Variants in TTLL7 observed in about 807,000 individuals in gnomAD.
TTLL7 encodes tubulin tyrosine ligase like 7, also known as tubulin polyglutamylase TTLL7.
In TTLL7, 53 loss-of-function variants were observed where a neutral mutation model predicts 120.2. That is an observed-to-expected ratio of 0.44 (90% CI 0.35 to 0.55). The LOEUF is 0.55. TTLL7 is among the 20% of genes least tolerant of loss of function. TTLL7 has a pLI of 0.00. For synonymous variants in TTLL7, 353 were observed against 351.7 expected (o/e 1.00, Z -0.04); for missense variants, 803 against 1,054.7 (o/e 0.76, Z 3.31).
At position 83,942,871 on chromosome 1, in the gene TTLL7, C is replaced by CA. The variant is rs577669745; in HGVS notation, c.507-193dup. Among the ~76,000 whole-genome samples, 319 of 152,274 alleles carry CA rather than the reference C, an allele frequency of 2.1e-3. 1 individual carries two copies. Among genetic ancestry groups the CA allele is most frequent in the Non-Finnish European group, 3.5e-3 (240 of 68,008 alleles). ...ACCCCAGAAACTAAGCAAAGGCTTGCAGCAAATGGAATACTTAACTAAGAA... is the reference window on the plus strand; with the variant it reads ...ACCCCAGAAACTAAGCAAAGGCTTGCAAGCAAATGGAATACTTAACTAAGAA... On this transcript the variant is annotated intron_variant, in intron 6 of 20. Transcript: ENST00000260505.
chr1:83,950,660 A>C (rs1648953901), intron 3 of TTLL7, among the ~76,000 whole-genome samples: 2 of 152,158 alleles, frequency 1.3e-5, no homozygotes, highest in Admixed American at 1.3e-4. Flanking sequence ...CTGAATTTCA[A>C]GTGTGGAATA....
intron 18 of TTLL7, among the ~76,000 whole-genome samples, chr1:83,902,907 C>T (rs1371498772): frequency 6.6e-6 from 1 of 151,964 alleles, no homozygotes; most frequent in African/African-American, 2.4e-5. Flanking sequence ...CTTTCTCCAG[C>T]ATCCATCCAT....
chr1:83,974,288 C>A (rs997940168), intron 1 of TTLL7, among the ~76,000 whole-genome samples: 1 of 151,868 alleles, frequency 6.6e-6, no homozygotes, highest in African/African-American at 2.4e-5. Flanking sequence ...ATTATAGAAG[C>A]TGTCATTGAA....
intron 6 of TTLL7, among the ~76,000 whole-genome samples, chr1:83,944,559 T>G (rs1320850863): frequency 6.6e-6 from 1 of 151,782 alleles, no homozygotes; most frequent in Non-Finnish European, 1.5e-5. Context: ...ACTACAAAAG[T>G]TAGCCAGGCA....
intron 18 of TTLL7, among the ~76,000 whole-genome samples, chr1:83,892,394 A>ATATATATG (rs1253222021): frequency 1.2e-4 from 5 of 40,002 alleles, no homozygotes; most frequent in African/African-American, 4.2e-4. Context: ...ATATATACGA[A>ATATATATG]TATATATGAA....
At chr1:83,925,355 T>C (rs980363919) in intron 10 of TTLL7, among the ~76,000 whole-genome samples, 2 of 152,294 alleles carry the variant, frequency 1.3e-5, no homozygotes, top group East Asian at 1.9e-4. Flanking sequence ...AGACAAGTCA[T>C]CCAACCCAGA....
At chr1:83,936,902 G>T (rs1456060496) in intron 8 of TTLL7, among the ~76,000 whole-genome samples, 2 of 152,132 alleles carry the variant, frequency 1.3e-5, no homozygotes, top group Non-Finnish European at 2.9e-5. Flanking sequence ...AATTATCACA[G>T]TTCCCAGAAC....
chr1:83,998,486 T>C (rs954000163), intron 1 of TTLL7, among the ~76,000 whole-genome samples: 6 of 152,230 alleles, frequency 3.9e-5, no homozygotes, highest in Non-Finnish European at 1.5e-5. Flanking sequence ...ACAAGGGCCC[T>C]AGACTTCACT....
At chr1:83,899,736 GAAGCAGCAGCA>G (rs1457946441) in intron 18 of TTLL7, among the ~76,000 whole-genome samples, 77 of 151,638 alleles carry the variant, frequency 5.1e-4, no homozygotes, top group African/African-American at 1.8e-3. Flanking sequence ...AAGAAGCAGC[GAAGCAGCAGCA>G]AAGGAGCTCA....
chr1:83,924,531 G>A (rs905609407), intron 10 of TTLL7, among the ~76,000 whole-genome samples: 3 of 152,148 alleles, frequency 2.0e-5, no homozygotes, highest in African/African-American at 7.2e-5. Flanking sequence ...AATTCATAGA[G>A]ACACAAAATA....
At chr1:83,921,554 A>G (rs898409282) in intron 10 of TTLL7, among the ~76,000 whole-genome samples, 160 bp from the exon 11 acceptor site, 2 of 152,172 alleles carry the variant, frequency 1.3e-5, no homozygotes, top group African/African-American at 2.4e-5. Flanking sequence ...CCATACCTCA[A>G]ATATGGCACT....
chr1:83,894,902 G>A (rs1029028591), intron 18 of TTLL7, among the ~76,000 whole-genome samples: 10 of 151,960 alleles, frequency 6.6e-5, no homozygotes, highest in East Asian at 1.9e-4. Flanking sequence ...TTTGGTCCTC[G>A]GAGACCCACC....
At chr1:83,939,195 A>C (rs1261395824) in intron 7 of TTLL7, among the ~76,000 whole-genome samples, 1 of 152,182 alleles carries the variant, frequency 6.6e-6, no homozygotes, top group Admixed American at 6.5e-5. Context: ...TGATACTTAA[A>C]AGAAAAAGCA....
At chr1:83,990,955 T>C (rs986891743) in intron 1 of TTLL7, among the ~76,000 whole-genome samples, 1 of 152,166 alleles carries the variant, frequency 6.6e-6, no homozygotes, top group African/African-American at 2.4e-5. Flanking sequence ...CAACTGTCCA[T>C]GGATGATGAA....
chr1:83,988,943 T>G (rs754730178), intron 1 of TTLL7, among the ~76,000 whole-genome samples: 17 of 152,108 alleles, frequency 1.1e-4, no homozygotes, highest in Non-Finnish European at 1.8e-4. Flanking sequence ...CTCCTGACTT[T>G]GTGATCCGCC....
intron 1 of TTLL7, among the ~76,000 whole-genome samples, chr1:83,975,975 A>C (rs1651431980): frequency 6.6e-6 from 1 of 151,894 alleles, no homozygotes; most frequent in Non-Finnish European, 1.5e-5. Context: ...CAGAGTGCAC[A>C]GCATGTAGTA....
At chr1:83,921,806 TTAATATG>T (rs1658696153) in intron 10 of TTLL7, among the ~76,000 whole-genome samples, 1 of 152,166 alleles carries the variant, frequency 6.6e-6, no homozygotes, top group African/African-American at 2.4e-5. Context: ...TAATAGGTAC[TTAATATG>T]TAATGGTTCT....
At chr1:83,975,966 A>G (rs1198909888) in intron 1 of TTLL7, among the ~76,000 whole-genome samples, 1 of 151,952 alleles carries the variant, frequency 6.6e-6, no homozygotes, top group Admixed American at 6.6e-5. Flanking sequence ...TTACAGTGCC[A>G]GAGTGCACAG....
At chr1:83,894,573 GCATGACAGTAC>G (rs1455865149) in intron 18 of TTLL7, among the ~76,000 whole-genome samples, 1 of 152,110 alleles carries the variant, frequency 6.6e-6, no homozygotes, top group Non-Finnish European at 1.5e-5. Flanking sequence ...AATTTTAATA[GCATGACAGTAC>G]CATATTCTAG....
Sources: gnomAD v4.1 joint callset for allele counts (sites outside exome capture counted in the v4.1 genomes callset) on GRCh38, gnomAD v4.1.1 for gene constraint, MANE v1.5 for transcripts, NCBI Gene and HGNC (gene_info 2026-07-23, HGNC 2026-07-21) for gene names.